UGT1A3: variants seen among roughly 807,000 people sequenced by gnomAD.
UGT1A3 encodes UDP glucuronosyltransferase family 1 member A3, also known as UDP-glucuronosyltransferase 1A3.
Under a neutral mutation model 41.0 loss-of-function variants are expected in UGT1A3, and 31 were observed. The ratio of observed to expected loss-of-function variants is 0.76; its 90% CI spans 0.57 to 1.02. The LOEUF is 1.02. Ranked by LOEUF, UGT1A3 falls within the 50% of genes least tolerant of loss-of-function variation. The pLI is 0.00. For missense variants in UGT1A3, 737 were observed against 671.0 expected, an observed-to-expected ratio of 1.10 and a Z score of -1.09; for synonymous variants, 262 against 257.6, an observed-to-expected ratio of 1.02 and a Z score of -0.17.
At chr2:233,757,176 AG>A (rs1350201754) in intron 1 of UGT1A3, among the ~76,000 whole-genome samples, 4 of 151,300 alleles carry the variant, frequency 2.6e-5, no homozygotes, top group Non-Finnish European at 5.9e-5. Flanking sequence ...TTTGAGAGCA[AG>A]GCAGAGGACT....
chr2:233,729,557 C>G lies in UGT1A3; in HGVS notation c.431C>G (p.Thr144Ser), dbSNP rs13406898. 29 of 1,614,152 alleles carry G rather than the reference C, an allele frequency of 1.8e-5. No individual in the cohort carries two copies. The South Asian group carries it at 3.0e-4, about 16-fold the overall frequency. Residue 144 changes from threonine to serine, a missense_variant, in exon 1 of 5, where the codon ACT becomes AGT. Thr to Ser is a moderately conservative substitution (Grantham distance 58). Transcript: ENST00000482026. ...NEALIRHLNA[T>S]SFDVVLTDPV... ...GCCCTGATCAGGCACCTGAATGCTA[C>G]TTCCTTTGATGTGGTTTTAACAGAC...
At chr2:233,750,064 T>C (rs1472554795) in intron 1 of UGT1A3, among the ~76,000 whole-genome samples, 1 of 151,832 alleles carries the variant, frequency 6.6e-6, no homozygotes, top group East Asian at 1.9e-4. Context: ...ACTTTGGAAC[T>C]GGGTAACAGG....
In UGT1A3 at chr2:233,751,447, G is replaced by T. The variant is rs116747594; in HGVS notation, c.868-15587G>T. Reference sequence around the variant, plus strand: ...GCTGAAATGAGTTAAGACTTTGGAAGATTGTTGGGAAGGCACGATTGGTTT... The same window carrying T: ...GCTGAAATGAGTTAAGACTTTGGAATATTGTTGGGAAGGCACGATTGGTTT... On this transcript the variant is annotated intron_variant, in intron 1 of 4. Transcript: ENST00000482026. Among the ~76,000 whole-genome samples the T allele has an allele frequency of 9.7e-3, 1,485 of 152,320 alleles. 22 individuals carry two copies. Among genetic ancestry groups the T allele is most frequent in the African/African-American group, 0.034 (1,416 of 41,558 alleles).
intron 1 of UGT1A3, chr2:233,755,137 T>A: frequency 7.6e-7 from 1 of 1,310,376 alleles, no homozygotes; most frequent in Non-Finnish European, 1.0e-6. Context: ...TGCTTGAATC[T>A]TCTCACCGCT....
intron 1 of UGT1A3, among the ~76,000 whole-genome samples, chr2:233,759,294 C>T (rs1363540933): frequency 6.6e-6 from 1 of 152,134 alleles, no homozygotes; most frequent in Admixed American, 6.5e-5. Flanking sequence ...TGAAGCTGAG[C>T]CCTGAGTGGC....
intron 1 of UGT1A3, chr2:233,743,681 C>A: frequency 7.3e-7 from 1 of 1,367,264 alleles, no homozygotes; most frequent in Non-Finnish European, 9.8e-7. Flanking sequence ...GGGCCTGCCG[C>A]CTGTGCAGCC....
At chr2:233,758,936 A>C (rs3755319) in intron 1 of UGT1A3, among the ~76,000 whole-genome samples, 79,279 of 152,106 alleles carry the variant, frequency 0.52, 21,809 homozygotes, top group African/African-American at 0.7. Context: ...TTGACTTCAA[A>C]TCAGTCATCA....
chr2:233,746,760 G>A (rs1693469059), intron 1 of UGT1A3, among the ~76,000 whole-genome samples: 1 of 151,816 alleles, frequency 6.6e-6, no homozygotes, highest in South Asian at 2.1e-4. Context: ...AGATTAATTG[G>A]ATTGCTTAGT....
chr2:233,768,439 G>C lies in UGT1A3; in HGVS notation c.1307G>C (p.Ser436Thr), dbSNP rs1306719122. 1 of 1,613,244 alleles carries C rather than the reference G, an allele frequency of 6.2e-7. No homozygotes were observed. The highest frequency in any genetic ancestry group is 1.1e-5 in the South Asian group (1 of 90,868). ...NALKAVINDK[S>T]YKENIMRLSS... ...CTAAAAGCAGTCATCAATGACAAAA[G>C]GTAAGAAAGAAGATACAGAAGAATA... The change falls in exon 4 of 5, where the codon AGT becomes ACT. Residue 436 changes from serine (S) to threonine (T), a missense_variant and splice_region_variant. By Grantham distance (58) the Ser-to-Thr change is moderately conservative. Transcript: ENST00000482026.
At chr2:233,742,895 G>A (rs1191973216) in intron 1 of UGT1A3, 1 of 164,996 alleles carries the variant, frequency 6.1e-6, no homozygotes, top group African/African-American at 2.4e-5. Flanking sequence ...TTTCCCAACG[G>A]AAAAAGGTAA....
intron 1 of UGT1A3, chr2:233,743,145 C>T (rs1174394425): frequency 2.3e-5 from 8 of 355,378 alleles, no homozygotes; most frequent in Admixed American, 7.6e-5. Context: ...AAAAAAAGTC[C>T]GCTATTCCTC....
chr2:233,752,486 G>A (rs1051165548), intron 1 of UGT1A3: 1 of 152,154 alleles, frequency 6.6e-6, no homozygotes, highest in African/African-American at 2.4e-5. Context: ...TTATGTTTTT[G>A]AGATGAGACA....
chr2:233,765,010 C>G (rs940800648), intron 1 of UGT1A3, among the ~76,000 whole-genome samples: 10 of 152,056 alleles, frequency 6.6e-5, no homozygotes, highest in Non-Finnish European at 1.2e-4. Context: ...TGTTCCAAAT[C>G]AGGCTTGGCA....
At chr2:233,744,445 T>A (rs1692819462) in intron 1 of UGT1A3, among the ~76,000 whole-genome samples, 1 of 151,876 alleles carries the variant, frequency 6.6e-6, no homozygotes, top group Non-Finnish European at 1.5e-5. Context: ...ACGTACTGCA[T>A]TAGAGATTAA....
intron 1 of UGT1A3, chr2:233,760,374 G>A: frequency 1.9e-6 from 3 of 1,614,168 alleles, no homozygotes; most frequent in Non-Finnish European, 2.5e-6. Context: ...ATGCTGGGAA[G>A]ATACTGTTGA....
chr2:233,755,121 G>T, intron 1 of UGT1A3: 1 of 1,328,504 alleles, frequency 7.5e-7, no homozygotes. Context: ...GTAGGCCTCA[G>T]CCACCTGCTT....
At position 233,769,612 on chromosome 2, in the gene UGT1A3, G is replaced by A. The variant is rs1699905681; in HGVS notation, c.1307+1173G>A. ...GGAGACGGAACACGGGGACACACCA[G>A]CTTGAGCAAGGGACAACAGGGGAGG... On this transcript the variant is annotated intron_variant, in intron 4 of 4. Transcript: ENST00000482026. This position sits in a 1 kb window ranked among gnomAD's most constrained non-coding sequence, Gnocchi z 4.4. 1 of 1,612,734 alleles carries A rather than the reference G, an allele frequency of 6.2e-7. No homozygotes were observed. The highest frequency in any genetic ancestry group is 8.5e-7 in the Non-Finnish European group (1 of 1,179,852).
At chr2:233,751,152 G>T (rs1694652317) in intron 1 of UGT1A3, among the ~76,000 whole-genome samples, 1 of 151,956 alleles carries the variant, frequency 6.6e-6, no homozygotes, top group Non-Finnish European at 1.5e-5. Flanking sequence ...GCCCACTTCT[G>T]GCATCAGCAT....
chr2:233,729,373 T>C lies in UGT1A3; in HGVS notation c.247T>C (p.Ser83Pro), dbSNP rs1160959644. The change falls in exon 1 of 5, where the codon TCG becomes CCG. Residue 83 changes from serine to proline, a missense_variant. Transcript: ENST00000482026. Reference sequence around the variant, plus strand: ...TTTCACCCTGACAACCTATGCCATTTCGTGGACCCAGGATGAATTTGATCG... The same window carrying C: ...TTTCACCCTGACAACCTATGCCATTCCGTGGACCCAGGATGAATTTGATCG... ...NFFTLTTYAI[S>P]WTQDEFDRHV... 16 of 1,613,988 alleles carry C rather than the reference T, an allele frequency of 9.9e-6. No individual in the cohort carries two copies. The highest frequency in any genetic ancestry group is 1.3e-5 in the Non-Finnish European group (15 of 1,179,958).
Sources: gnomAD v4.1 joint callset for allele counts (sites outside exome capture counted in the v4.1 genomes callset) on GRCh38, gnomAD v4.1.1 for gene constraint, Gnocchi (gnomAD v3.1) non-coding constraint, MANE v1.5 for transcripts, NCBI Gene and HGNC (gene_info 2026-07-23, HGNC 2026-07-21) for gene names.